The following ITPR1 variants were observed in gnomAD, a reference collection of about 807,000 sequenced individuals.
ITPR1 encodes the protein inositol 1,4,5-trisphosphate receptor type 1.
ITPR1 carries 96 observed loss-of-function variants against 318.4 expected under a neutral mutation model. The observed-to-expected ratio is 0.30, with a 90% CI of 0.26 to 0.36. The LOEUF (loss-of-function observed/expected upper bound fraction) is 0.36. Among genes scored for constraint, ITPR1 ranks in the 10% least tolerant of loss-of-function variants. ITPR1 has a pLI of 1.00. For missense variants in ITPR1, 2,440 were observed against 3,460.2 expected (o/e 0.71, Z 7.40); for synonymous variants, 1,312 against 1,289.9 (o/e 1.02, Z -0.37).
intron 16 of ITPR1, among the ~76,000 whole-genome samples, chr3:4,664,085 C>A (rs1300137756): frequency 6.6e-6 from 1 of 152,086 alleles, no homozygotes; most frequent in African/African-American, 2.4e-5. Context: ...TTATTTTCCT[C>A]AAAAATAATG....
At chr3:4,525,606 A>C (rs1224110385) in intron 4 of ITPR1, among the ~76,000 whole-genome samples, 1 of 152,144 alleles carries the variant, frequency 6.6e-6, no homozygotes, top group Non-Finnish European at 1.5e-5. Flanking sequence ...GGATGAGGAG[A>C]GCTGAGACTT....
chr3:4,778,748 G>A (rs962339138), intron 48 of ITPR1, among the ~76,000 whole-genome samples: 2 of 152,158 alleles, frequency 1.3e-5, no homozygotes, highest in Admixed American at 6.5e-5. Context: ...GATGATGATA[G>A]AAATTTGTGC....
intron 2 of ITPR1, among the ~76,000 whole-genome samples, chr3:4,499,567 G>A (rs1028635810): frequency 2.0e-5 from 3 of 152,058 alleles, no homozygotes; most frequent in Non-Finnish European, 4.4e-5. Context: ...TTTGAATTAG[G>A]ATCCAAATAA....
chr3:4,674,392 C>T, intron 22 of ITPR1, 49 bp downstream of exon 22: 1 of 1,490,608 alleles, frequency 6.7e-7, no homozygotes, highest in Non-Finnish European at 9.0e-7. Context: ...TCTCAGTGGT[C>T]ATTTTTCTAT....
At position 4,578,591 on chromosome 3, in the gene ITPR1, CTGGTCCTG is replaced by C. The variant is rs1358730114; in HGVS notation, c.164-49169_164-49162del. On this transcript the variant is annotated intron_variant, in intron 4 of 61. Coordinates refer to ENST00000649015, the MANE Select transcript of ITPR1 (RefSeq NM_001378452.1). The stretch of plus-strand genomic sequence containing the variant: ...GGGCTTTAGTGCTTAGCCTGACCAG[CTGGTCCTG>C]TGTTCTGTGATGAGCTTCTTCAGTA... 2.6e-5 allele frequency among the ~76,000 whole-genome samples: 4 copies of C among 152,258 alleles called. No homozygotes were observed. The East Asian group carries it at 7.7e-4, about 29-fold the overall frequency.
chr3:4,707,106 G>A lies in ITPR1; in HGVS notation c.4842+755G>A, dbSNP rs149873972. Among the ~76,000 whole-genome samples, 1,500 of 152,210 alleles carry A rather than the reference G, an allele frequency of 9.9e-3. 19 individuals carry two copies. Among genetic ancestry groups the A allele is most frequent in the Admixed American group, 0.015 (234 of 15,300 alleles). On this transcript the variant is annotated intron_variant, in intron 37 of 61. Transcript: ENST00000649015. Reference sequence around the variant, plus strand: ...TCTTGGGAAAGTTACTTGACTTCTCGGTCCTTCAGATTCCTAGTCTGTAAA... The same window carrying A: ...TCTTGGGAAAGTTACTTGACTTCTCAGTCCTTCAGATTCCTAGTCTGTAAA...
At chr3:4,750,136 T>C (rs2044392486) in intron 44 of ITPR1, 1 of 152,592 alleles carries the variant, frequency 6.6e-6, no homozygotes. Flanking sequence ...TTAATGATGC[T>C]TTGCTCTTGG....
chr3:4,655,575 C>T (rs1461816966), intron 12 of ITPR1, among the ~76,000 whole-genome samples: 1 of 152,158 alleles, frequency 6.6e-6, no homozygotes, highest in Non-Finnish European at 1.5e-5. Context: ...GTTGTCTGGG[C>T]TGCACAGCAG....
intron 40 of ITPR1, among the ~76,000 whole-genome samples, chr3:4,720,142 C>T (rs1363186736): frequency 2.0e-5 from 3 of 152,196 alleles, no homozygotes; most frequent in Admixed American, 6.5e-5. Context: ...TATTTGAGTG[C>T]CTGTTACGTC....
chr3:4,497,692 G>A (rs2080702542), intron 2 of ITPR1, among the ~76,000 whole-genome samples: 1 of 152,114 alleles, frequency 6.6e-6, no homozygotes, highest in South Asian at 2.1e-4. Flanking sequence ...ATATGTCCCA[G>A]CAATTCCACT....
intron 52 of ITPR1, among the ~76,000 whole-genome samples, chr3:4,789,613 GTTTTT>G (rs2047425533): frequency 1.3e-5 from 2 of 151,476 alleles, no homozygotes; most frequent in Non-Finnish European, 2.9e-5. Flanking sequence ...TTTTGTTTTT[GTTTTT>G]GTTTTTGTTT....
In ITPR1 at chr3:4,528,556, C is replaced by T. The variant is rs559807593; in HGVS notation, c.163+7462C>T. On this transcript the variant is annotated intron_variant, in intron 4 of 61. Transcript: ENST00000649015. ...TGGCAAGGCATCGAAGGAATGAATC[C>T]GTATCTTACTTAGTTTTAAATACCC... Among the ~76,000 whole-genome samples the T allele has an allele frequency of 1.2e-4, 18 of 152,226 alleles. 1 individual carries two copies. The East Asian group carries it at 1.5e-3, about 13-fold the overall frequency.
At chr3:4,530,785 A>ACAT (rs1267825638) in intron 4 of ITPR1, among the ~76,000 whole-genome samples, 1 of 151,754 alleles carries the variant, frequency 6.6e-6, no homozygotes, top group Admixed American at 6.6e-5. Context: ...AACAACAACA[A>ACAT]CAACAACAAC....
Position 4,845,227 on chromosome 3 carries a change from AC to A in ITPR1, c.8191-909del, listed in dbSNP as rs551416524. ...CTAAAAACATAGGAGTAGGACCTTA[AC>A]CCACTTGCAGACAACAATTTTCTTG... On this transcript the variant is annotated intron_variant, in intron 61 of 61. Coordinates refer to ENST00000649015, the MANE Select transcript of ITPR1 (RefSeq NM_001378452.1). Among the ~76,000 whole-genome samples, 8 of 152,326 alleles carry A rather than the reference AC, an allele frequency of 5.3e-5. No homozygotes were observed. The South Asian group carries it at 1.7e-3, about 32-fold the overall frequency.
At chr3:4,596,780 C>G (rs1432417955) in intron 4 of ITPR1, among the ~76,000 whole-genome samples, 1 of 152,218 alleles carries the variant, frequency 6.6e-6, no homozygotes, top group African/African-American at 2.4e-5. Context: ...TAAACCCCAA[C>G]TCCTCCATGC....
chr3:4,642,029 G>A (rs2093350600), intron 6 of ITPR1, 64 bp from the exon 7 acceptor site: 7 of 1,346,388 alleles, frequency 5.2e-6, no homozygotes, highest in South Asian at 1.6e-5. Context: ...GTATGATTGA[G>A]AGAAGGAATG....
At chr3:4,493,886 C>CT (rs71301158) in intron 1 of ITPR1, among the ~76,000 whole-genome samples, 46,085 of 125,542 alleles carry the variant, frequency 0.37, 9,612 homozygotes, top group South Asian at 0.57. Flanking sequence ...GGAAATAGTT[C>CT]TTTTTTTTTT....
intron 4 of ITPR1, among the ~76,000 whole-genome samples, chr3:4,573,250 G>C (rs957042765): frequency 1.3e-5 from 2 of 152,142 alleles, no homozygotes; most frequent in African/African-American, 4.8e-5. Context: ...CCAAACCTTG[G>C]AGTCTTTTTT....
intron 44 of ITPR1, among the ~76,000 whole-genome samples, chr3:4,752,577 T>TTA (rs2044621910): frequency 6.6e-6 from 1 of 152,226 alleles, no homozygotes; most frequent in Admixed American, 6.5e-5. Context: ...GGCCATAAAG[T>TTA]TATACTTCAG....
Sources: allele counts gnomAD v4.1 joint callset (sites outside exome capture counted in the v4.1 genomes callset), GRCh38; gene constraint gnomAD v4.1.1; transcripts MANE v1.5; gene names NCBI Gene and HGNC (gene_info 2026-07-23, HGNC 2026-07-21).